The following SUPT6H variants were observed in gnomAD, a reference collection of about 807,000 sequenced individuals.
The protein encoded by SUPT6H is SPT6 homolog, histone chaperone and transcription elongation factor.
A neutral mutation model predicts 222.3 loss-of-function variants in SUPT6H; 11 were observed. The observed-to-expected ratio is 0.05, with a 90% confidence interval of 0.03 to 0.08. The LOEUF (loss-of-function observed/expected upper bound fraction) is 0.08, where lower values mean the gene tolerates loss of function less well. SUPT6H is among the 10% of genes least tolerant of loss of function. The pLI is 1.00. For synonymous variants in SUPT6H, 762 were observed against 801.2 expected, an observed-to-expected ratio of 0.95 and a Z score of 0.83; for missense variants, 1,422 against 2,216.0, an observed-to-expected ratio of 0.64 and a Z score of 7.19.
intron 1 of SUPT6H, among the ~76,000 whole-genome samples, chr17:28,663,827 C>CTTTTTTTTTTTTTTTTTTTTTTTTTTT (rs1567681347): frequency 2.4e-4 from 2 of 8,406 alleles, no homozygotes; most frequent in African/African-American, 6.6e-4. Flanking sequence ...CTGCCCACTC[C>CTTTTTTTTTTTTTTTTTTTTTTTTTTT]ATTTTTTTTT....
chr17:28,690,829 G>T, intron 26 of SUPT6H, 92 bp from the exon 27 acceptor site: 1 of 1,410,072 alleles, frequency 7.1e-7, no homozygotes, highest in Non-Finnish European at 9.7e-7. Flanking sequence ...GGATGGGAAG[G>T]AAGTCAGATA....
At chr17:28,673,330 A>C (rs750372734) in intron 1 of SUPT6H, 41 bp from the exon 2 acceptor site, 1 of 1,255,342 alleles carries the variant, frequency 8.0e-7, no homozygotes, top group Non-Finnish European at 1.1e-6. Context: ...CTGTACAATC[A>C]TGTGTCCGTT....
chr17:28,686,876 G>T, intron 21 of SUPT6H, 87 bp downstream of exon 21: 2 of 1,508,928 alleles, frequency 1.3e-6, no homozygotes, highest in East Asian at 2.3e-5. Flanking sequence ...AAGTTATCAG[G>T]GGCACAGGAC....
chr17:28,688,067 G>C lies in SUPT6H; in HGVS notation c.3007-24G>C, dbSNP rs1359815130. On this transcript the variant is annotated intron_variant, in intron 23 of 36. Coordinates refer to ENST00000314616, the MANE Select transcript of SUPT6H (RefSeq NM_003170.5). The surrounding 1 kb of genome is among the most constrained non-coding windows in gnomAD (Gnocchi z 4.3). Reference sequence around the variant, plus strand: ...GAGGTGGGGCCTGCTTACTGCCCTGGCTCAGTCCAGCTCTCTCCCCCAGAT... The same window carrying C: ...GAGGTGGGGCCTGCTTACTGCCCTGCCTCAGTCCAGCTCTCTCCCCCAGAT... 6.3e-7 allele frequency: 1 copy of C among 1,589,688 alleles called. No homozygotes were observed. Among genetic ancestry groups the C allele is most frequent in the Non-Finnish European group, 8.6e-7 (1 of 1,165,840 alleles).
At chr17:28,681,201 T>C in intron 11 of SUPT6H, 55 bp from the exon 12 acceptor site, 2 of 1,601,844 alleles carry the variant, frequency 1.2e-6, no homozygotes, top group Non-Finnish European at 1.7e-6. Context: ...GTAGCCAAAT[T>C]GGGATATACC....
chr17:28,692,036 G>A (rs1486103473), intron 27 of SUPT6H, among the ~76,000 whole-genome samples: 1 of 151,448 alleles, frequency 6.6e-6, no homozygotes, highest in African/African-American at 2.4e-5. Context: ...AAAAAAGGGA[G>A]GGGCTGGCCG....
At chr17:28,681,517 T>A in intron 12 of SUPT6H, 113 bp downstream of exon 12, 1 of 1,333,970 alleles carries the variant, frequency 7.5e-7, no homozygotes, top group Non-Finnish European at 1.0e-6. Flanking sequence ...AGGTCAGGAG[T>A]TCGAGACCAG....
At position 28,683,615 on chromosome 17, in the gene SUPT6H, T is replaced by C. The variant is rs1219229356; in HGVS notation, c.2034-6T>C. 1 of 1,613,266 alleles carries C rather than the reference T, an allele frequency of 6.2e-7. No individual in the cohort carries two copies. Among genetic ancestry groups the C allele is most frequent in the African/African-American group, 1.3e-5 (1 of 75,006 alleles). ...CCTGACACCATAGCTTTGTGTCTCT[T>C]CTCAGCTATGGCAACGACCAGACAT... is the stretch of plus-strand genomic sequence containing the variant. On this transcript the variant is annotated splice_region_variant and splice_polypyrimidine_tract_variant and intron_variant, in intron 16 of 36. Transcript: ENST00000314616.
intron 4 of SUPT6H, 133 bp downstream of exon 4, chr17:28,674,746 C>G: frequency 1.1e-6 from 1 of 909,520 alleles, no homozygotes; most frequent in East Asian, 2.6e-5. Flanking sequence ...TATCATTGTA[C>G]TACGGAGCCT....
Position 28,678,084 on chromosome 17 carries a change from T to G in SUPT6H, c.1008T>G (p.Cys336Trp), listed in dbSNP as rs750345911. ...TTATTTTCCTACTGTAGGAAAGCTG[T>G]GATTACCTAGACCGAGGGCAGCCAG... ...ATPTISLQES[C>W]DYLDRGQPAS... The change falls in exon 9 of 37, where the codon TGT becomes TGG. Residue 336 changes from cysteine (C) to tryptophan (W), a missense_variant. Around this residue, in one of 13 missense-constraint regions of SUPT6H, gnomAD observed 389 missense variants for 544.6 expected, o/e 0.71. Coordinates refer to ENST00000314616, the MANE Select transcript of SUPT6H (RefSeq NM_003170.5). 1.9e-6 allele frequency: 3 copies of G among 1,613,630 alleles called. No individual in the cohort carries two copies. Among genetic ancestry groups the G allele is most frequent in the Non-Finnish European group, 2.5e-6 (3 of 1,179,824 alleles).
chr17:28,677,484 G>A (rs1326041970), intron 7 of SUPT6H, among the ~76,000 whole-genome samples: 3 of 151,824 alleles, frequency 2.0e-5, no homozygotes, highest in African/African-American at 7.3e-5. Flanking sequence ...GGCGGAGGTT[G>A]CAGTGACCCT....
chr17:28,695,162 C>T (rs748413334), intron 28 of SUPT6H, 190 bp from the exon 29 acceptor site: 11 of 597,184 alleles, frequency 1.8e-5, no homozygotes, highest in Non-Finnish European at 3.2e-5. Context: ...TAGTGCAGGG[C>T]TTGGCCTGTA....
chr17:28,677,982 T>C (rs1263016822), intron 8 of SUPT6H, 94 bp from the exon 9 acceptor site: 7 of 1,417,402 alleles, frequency 4.9e-6, no homozygotes, highest in Non-Finnish European at 5.9e-6. Flanking sequence ...TTAGATTTCA[T>C]CTAGAAAGGT....
Position 28,700,446 on chromosome 17 carries a change from C to A in SUPT6H, c.4740C>A (p.Thr1580=). The A allele has an allele frequency of 6.2e-7, 1 of 1,614,238 alleles. No individual in the cohort carries two copies. The highest frequency in any genetic ancestry group is 8.5e-7 in the Non-Finnish European group (1 of 1,180,050). ...GCCAAGGACAGAACCCTAATGCCAC[C>A]CCAGCCCAGTGGGCCTCCAGCCAGT... The part of the protein sequence containing the change: ...VTGQGQNPNA[T]PAQWASSQYG... The change falls in exon 35 of 37, where the codon ACC becomes ACA. Residue 1580 remains threonine (T), a synonymous_variant. Coordinates refer to ENST00000314616, the MANE Select transcript of SUPT6H (RefSeq NM_003170.5).
chr17:28,678,607 A>G lies in SUPT6H; in HGVS notation c.1179A>G (p.Leu393=), dbSNP rs781700686. 1 of 1,614,172 alleles carries G rather than the reference A, an allele frequency of 6.2e-7. No homozygotes were observed. Among genetic ancestry groups the G allele is most frequent in the Non-Finnish European group, 8.5e-7 (1 of 1,180,028 alleles). The part of the protein sequence containing the change: ...YVEPELHIND[L]WRVWQWDEKW... ...AGCCTGAGTTGCACATCAATGACCT[A>G]TGGAGAGTCTGGCAGTGGGATGAAA... Residue 393 remains leucine (L), a synonymous_variant, in exon 10 of 37, where the codon CTA becomes CTG. Transcript: ENST00000314616.
chr17:28,677,901 A>G, intron 8 of SUPT6H, 85 bp downstream of exon 8: 3 of 1,374,908 alleles, frequency 2.2e-6, no homozygotes, highest in Non-Finnish European at 3.1e-6. Context: ...TATTTCATAC[A>G]TCCGTGTGCC....
intron 1 of SUPT6H, among the ~76,000 whole-genome samples, chr17:28,664,692 A>G (rs1427481294): frequency 6.6e-6 from 1 of 152,174 alleles, no homozygotes; most frequent in Non-Finnish European, 1.5e-5. Context: ...TGCCTGTTTA[A>G]TTATCTCCAT....
chr17:28,675,429 T>C lies in SUPT6H; in HGVS notation c.567T>C (p.Asp189=), dbSNP rs1055091541. The change falls in exon 6 of 37, where the codon GAT becomes GAC. Residue 189 remains aspartate (D), a synonymous_variant. Coordinates refer to ENST00000314616, the MANE Select transcript of SUPT6H (RefSeq NM_003170.5). ...TTGACGACTTCATTGTGGATGATGA[T>C]GGACAGCCTCTGAAAAAACCTAAGT... The part of the protein sequence containing the change: ...SDIDDFIVDD[D]GQPLKKPKWR... 6.2e-7 allele frequency: 1 copy of C among 1,614,182 alleles called. No individual in the cohort carries two copies. Among genetic ancestry groups the C allele is most frequent in the African/African-American group, 1.3e-5 (1 of 75,044 alleles).
chr17:28,687,372 C>A lies in SUPT6H; in HGVS notation c.2907C>A (p.Val969=). The A allele has an allele frequency of 1.9e-6, 3 of 1,614,134 alleles. No homozygotes were observed. Among genetic ancestry groups the A allele is most frequent in the Non-Finnish European group, 2.5e-6 (3 of 1,180,022 alleles). The stretch of plus-strand genomic sequence containing the variant: ...AATTTATCAACCGAGTCAATGAGGT[C>A]GGGGTCGATGTCAACCGTGCCATTG... The part of the protein sequence containing the change: ...YCEFINRVNE[V]GVDVNRAIAH... Residue 969 remains valine (V), a synonymous_variant, in exon 23 of 37, where the codon GTC becomes GTA. Coordinates refer to ENST00000314616, the MANE Select transcript of SUPT6H (RefSeq NM_003170.5).
Sources: gnomAD v4.1 joint callset for allele counts (sites outside exome capture counted in the v4.1 genomes callset) on GRCh38, gnomAD v4.1.1 for gene constraint, gnomAD v4.1.1 regional missense constraint, Gnocchi (gnomAD v3.1) non-coding constraint, MANE v1.5 for transcripts, NCBI Gene and HGNC (gene_info 2026-07-23, HGNC 2026-07-21) for gene names.